The following NTRK3 variants were observed in gnomAD, a reference collection of about 807,000 sequenced individuals.
NTRK3 encodes neurotrophic receptor tyrosine kinase 3.
A neutral mutation model predicts 91.7 loss-of-function variants in NTRK3; 24 were observed. The observed-to-expected ratio is 0.26, with a 90% CI of 0.19 to 0.37. The LOEUF is 0.37. NTRK3 is among the 10% of genes least tolerant of loss of function. NTRK3 has a pLI of 1.00. For missense variants in NTRK3, 880 were observed against 1,068.9 expected (o/e 0.82, Z 2.46); for synonymous variants, 483 against 404.0 (o/e 1.20, Z -2.34).
At chr15:87,891,680 C>T (rs934512121) in intron 17 of NTRK3, among the ~76,000 whole-genome samples, 1 of 152,154 alleles carries the variant, frequency 6.6e-6, no homozygotes, top group Non-Finnish European at 1.5e-5. Context: ...CTTTTTATAG[C>T]TGTAGAGGAT....
chr15:87,995,826 T>C (rs1043692303), intron 14 of NTRK3, among the ~76,000 whole-genome samples: 1 of 152,228 alleles, frequency 6.6e-6, no homozygotes, highest in Non-Finnish European at 1.5e-5. Flanking sequence ...CCATAGACAA[T>C]GTGCAATGAA....
Position 88,255,839 on chromosome 15 carries a change from C to A in NTRK3, c.248+67G>T. ...GGCGGGCGGAGGGCCGGCTCCCGGC[C>A]GCGGGTGGGCAGGAGGGAGACGCAG... On this transcript the variant is annotated intron_variant, in intron 3 of 18. Coordinates refer to ENST00000394480, the Ensembl canonical transcript of NTRK3. This position sits in a 1 kb window ranked among gnomAD's most constrained non-coding sequence, Gnocchi z 4.3. The A allele has an allele frequency of 5.0e-6, 7 of 1,410,754 alleles. No individual in the cohort carries two copies. The highest frequency in any genetic ancestry group is 6.6e-6 in the Non-Finnish European group (7 of 1,064,060). The allele number at this position is 1,410,754 out of a possible 1,614,324, so 87.4% of individuals were successfully genotyped here.
At chr15:88,011,039 G>A (rs761494337) in intron 14 of NTRK3, among the ~76,000 whole-genome samples, 19 of 152,060 alleles carry the variant, frequency 1.2e-4, no homozygotes, top group East Asian at 3.9e-4. Context: ...TTTTCTTTTC[G>A]TTCCTTCCTG....
chr15:88,155,805 C>CATCTATCTATCTATCTATCT (rs71146401), intron 5 of NTRK3, among the ~76,000 whole-genome samples: 1 of 150,560 alleles, frequency 6.6e-6, no homozygotes, highest in African/African-American at 2.4e-5. Flanking sequence ...TGTAATCTAT[C>CATCTATCTATCTATCTATCT]ATCTATCTAT....
At chr15:88,185,811 C>T (rs1430990818) in intron 3 of NTRK3, among the ~76,000 whole-genome samples, 1 of 152,208 alleles carries the variant, frequency 6.6e-6, no homozygotes, top group Admixed American at 6.5e-5. Context: ...GGCAGCAGGA[C>T]TATGACTGCC....
intron 11 of NTRK3, 57 bp downstream of exon 11, chr15:88,128,654 A>C (rs575796952): frequency 7.7e-6 from 12 of 1,567,442 alleles, no homozygotes; most frequent in African/African-American, 1.4e-5. Context: ...TGAATTCAAT[A>C]GTTACCGATA....
intron 3 of NTRK3, chr15:88,253,293 A>G (rs2053623533): frequency 6.6e-6 from 1 of 152,148 alleles, no homozygotes; most frequent in Admixed American, 6.5e-5. Flanking sequence ...TCATACTAAA[A>G]CAAGAACTGA....
rs559445469 is a variant in NTRK3 at position 87,999,155 on chromosome 15, G to A, written c.1585+33702C>T. ...CATGAAGCCACTGACTTGCATCACA[G>A]GATATTTTAACAAACACCCCTAAGA... On this transcript the variant is annotated intron_variant, in intron 14 of 18. Transcript: ENST00000394480. Among the ~76,000 whole-genome samples the A allele has an allele frequency of 2.6e-5, 4 of 152,286 alleles. No homozygotes were observed. The South Asian group carries it at 8.3e-4, about 32-fold the overall frequency.
chr15:88,218,857 A>G (rs1321196525), intron 3 of NTRK3, among the ~76,000 whole-genome samples: 2 of 152,188 alleles, frequency 1.3e-5, no homozygotes, highest in Admixed American at 1.3e-4. Context: ...TTGCCCTAAG[A>G]GTTCTCTATT....
At chr15:88,063,091 T>G (rs562516322) in intron 13 of NTRK3, among the ~76,000 whole-genome samples, 1 of 152,350 alleles carries the variant, frequency 6.6e-6, no homozygotes, top group East Asian at 1.9e-4. Flanking sequence ...TTGGACAGAT[T>G]ACTGAACTCA....
intron 17 of NTRK3, among the ~76,000 whole-genome samples, chr15:87,920,011 C>CA (rs1443368074): frequency 6.6e-6 from 1 of 152,122 alleles, no homozygotes; most frequent in South Asian, 2.1e-4. Context: ...CAACAGAAGG[C>CA]AAAACCCCAA....
chr15:88,253,849 C>T (rs190849807), intron 3 of NTRK3, among the ~76,000 whole-genome samples: 14 of 152,286 alleles, frequency 9.2e-5, no homozygotes, highest in Non-Finnish European at 1.6e-4. Context: ...GGCAAGAGGC[C>T]ACCCCAGTCC....
chr15:87,931,240 A>G (rs1481784203), intron 16 of NTRK3: 2 of 518,002 alleles, frequency 3.9e-6, no homozygotes, highest in Non-Finnish European at 7.7e-6. Flanking sequence ...GATACTGCTG[A>G]ATGTAAGGAT....
At chr15:88,098,693 A>T (rs934739683) in intron 13 of NTRK3, 2 of 232,058 alleles carry the variant, frequency 8.6e-6, no homozygotes, top group Non-Finnish European at 1.7e-5. Flanking sequence ...ACATTAATTC[A>T]CAAGGAATAA....
chr15:87,896,017 T>C (rs2066101657), intron 17 of NTRK3, among the ~76,000 whole-genome samples: 1 of 152,016 alleles, frequency 6.6e-6, no homozygotes, highest in Non-Finnish European at 1.5e-5. Context: ...ACCAAACAAA[T>C]ATATTTCCTA....
At chr15:88,025,835 C>A (rs958742833) in intron 14 of NTRK3, among the ~76,000 whole-genome samples, 32 of 152,294 alleles carry the variant, frequency 2.1e-4, no homozygotes, top group African/African-American at 7.7e-4. Flanking sequence ...TACAGCCATA[C>A]AATGAAGTAC....
At chr15:87,978,995 T>C in intron 14 of NTRK3, 1 of 379,822 alleles carries the variant, frequency 2.6e-6, no homozygotes, top group Non-Finnish European at 4.8e-6. Context: ...TTTCTTGTGA[T>C]GGTTAGGTTG....
At chr15:87,912,932 ATATATATATATATATATATATAT>A (rs1371338905) in intron 17 of NTRK3, among the ~76,000 whole-genome samples, 59 of 7,328 alleles carry the variant, frequency 8.1e-3, no homozygotes, top group Non-Finnish European at 9.3e-4. Flanking sequence ...GTAAAAAAAA[ATATATATATATATATATATATAT>A]ATATATATAT....
In NTRK3 at chr15:88,205,343, G is replaced by T. The variant is rs1220068608; in HGVS notation, c.249-21044C>A. The stretch of plus-strand genomic sequence containing the variant: ...GTCCACCGCCCAGACTGGCCTACGT[G>T]GGCCTCGGCTCTCAGACCCTCCCAT... On this transcript the variant is annotated intron_variant, in intron 3 of 18. Coordinates refer to ENST00000394480, the Ensembl canonical transcript of NTRK3. Among the ~76,000 whole-genome samples the T allele has an allele frequency of 2.6e-5, 4 of 152,110 alleles. No homozygotes were observed. The East Asian group carries it at 7.7e-4, about 29-fold the overall frequency.
Sources: gnomAD v4.1 joint callset for allele counts (sites outside exome capture counted in the v4.1 genomes callset) on GRCh38, gnomAD v4.1.1 for gene constraint, Gnocchi (gnomAD v3.1) non-coding constraint, MANE v1.5 for transcripts, NCBI Gene and HGNC (gene_info 2026-07-23, HGNC 2026-07-21) for gene names.